The following KAZN variants were observed in gnomAD, a reference collection of about 807,000 sequenced individuals.
KAZN encodes kazrin, periplakin interacting protein.
In KAZN, 40 loss-of-function variants were observed where a neutral mutation model predicts 87.4. The ratio of observed to expected loss-of-function variants is 0.46; its 90% CI spans 0.36 to 0.60. KAZN has a LOEUF of 0.60. Among genes scored for constraint, KAZN ranks in the 20% least tolerant of loss-of-function variants. The pLI is 0.00. For synonymous variants in KAZN, 466 were observed against 458.3 expected, an observed-to-expected ratio of 1.02 and a Z score of -0.22; for missense variants, 898 against 1,073.9, an observed-to-expected ratio of 0.84 and a Z score of 2.29.
chr1:14,170,292 G>A (rs12568548), intron 1 of KAZN, among the ~76,000 whole-genome samples: 30,635 of 151,964 alleles, frequency 0.2, 3,401 homozygotes, highest in East Asian at 0.34. Context: ...TTTTGAATCC[G>A]TGGTTCTAAG....
chr1:13,982,899 A>C (rs1252270064), intron 1 of KAZN, among the ~76,000 whole-genome samples: 1 of 144,386 alleles, frequency 6.9e-6, no homozygotes, highest in African/African-American at 2.6e-5. Flanking sequence ...TAGACATAAA[A>C]GTTCTCCAAG....
intron 2 of KAZN, among the ~76,000 whole-genome samples, chr1:14,466,533 C>T (rs1029303663): frequency 6.6e-6 from 1 of 151,754 alleles, no homozygotes; most frequent in African/African-American, 2.4e-5. Flanking sequence ...AGGAAAAATA[C>T]CTAATATGTG....
At chr1:14,950,112 C>G (rs561562231) in intron 1 of KAZN, among the ~76,000 whole-genome samples, 1 of 152,092 alleles carries the variant, frequency 6.6e-6, no homozygotes, top group Admixed American at 6.5e-5. Flanking sequence ...AATTACCAAG[C>G]GGCTCTCCGG....
intron 2 of KAZN, among the ~76,000 whole-genome samples, chr1:14,468,780 T>C (rs1005641482): frequency 6.6e-6 from 1 of 152,216 alleles, no homozygotes; most frequent in Admixed American, 6.5e-5. Flanking sequence ...GTGTAAGCTG[T>C]ACATTTATAT....
intron 2 of KAZN, among the ~76,000 whole-genome samples, chr1:14,975,951 G>A (rs997985966): frequency 8.1e-5 from 12 of 148,562 alleles, no homozygotes; most frequent in Middle Eastern, 3.2e-3. Flanking sequence ...AGAAAGGCGC[G>A]AACCCGGGAG....
chr1:14,146,536 C>CAAAAAAAAAAAAAAAAAAAAAAAA (rs55928646), intron 1 of KAZN, among the ~76,000 whole-genome samples: 6 of 63,502 alleles, frequency 9.4e-5, no homozygotes, highest in Admixed American at 1.9e-4. Context: ...AACTCCATCT[C>CAAAAAAAAAAAAAAAAAAAAAAAA]AAAAAAAAAA....
chr1:14,467,077 CTTCT>C (rs1386434100), intron 2 of KAZN, among the ~76,000 whole-genome samples: 1 of 151,884 alleles, frequency 6.6e-6, no homozygotes, highest in African/African-American at 2.4e-5. Context: ...TTTGTAATTC[CTTCT>C]ATCTGATTTT....
At chr1:14,859,210 C>CAA (rs1195192834) in intron 1 of KAZN, among the ~76,000 whole-genome samples, 9 of 97,542 alleles carry the variant, frequency 9.2e-5, no homozygotes, top group African/African-American at 2.5e-4. Context: ...GACCCCGTCT[C>CAA]AAAAAAAAAA....
At chr1:14,146,569 A>G (rs537718905) in intron 1 of KAZN, among the ~76,000 whole-genome samples, 169 of 150,950 alleles carry the variant, frequency 1.1e-3, no homozygotes, top group African/African-American at 4.0e-3. Flanking sequence ...AAAAGAAAAG[A>G]AAGAAAGAAA....
chr1:14,799,997 G>A (rs1294641046), intron 1 of KAZN, among the ~76,000 whole-genome samples: 3 of 152,192 alleles, frequency 2.0e-5, no homozygotes, highest in Non-Finnish European at 4.4e-5. Context: ...TTTTGGAGAT[G>A]TTGTCAGACT....
At chr1:14,432,954 G>A (rs1666162690) in intron 2 of KAZN, among the ~76,000 whole-genome samples, 1 of 152,132 alleles carries the variant, frequency 6.6e-6, no homozygotes, top group East Asian at 1.9e-4. Context: ...GTGTGGCTGT[G>A]GCTATGTGTG....
chr1:14,298,295 C>A (rs2100769936), intron 2 of KAZN, among the ~76,000 whole-genome samples: 1 of 152,300 alleles, frequency 6.6e-6, no homozygotes, highest in Non-Finnish European at 1.5e-5. Context: ...CCCTCTAAAT[C>A]ATCCAAAAAT....
At chr1:14,930,252 C>T (rs1292638002) in intron 1 of KAZN, among the ~76,000 whole-genome samples, 2 of 152,138 alleles carry the variant, frequency 1.3e-5, no homozygotes, top group East Asian at 1.9e-4. Flanking sequence ...TTCTTGGATT[C>T]GGAGGCTGGC....
intron 1 of KAZN, among the ~76,000 whole-genome samples, chr1:14,052,662 G>A (rs914607018): frequency 2.0e-5 from 3 of 152,164 alleles, no homozygotes; most frequent in African/African-American, 7.2e-5. Flanking sequence ...GGGGGCAGAG[G>A]CCCATTTGGT....
intron 2 of KAZN, among the ~76,000 whole-genome samples, chr1:14,437,230 C>T (rs1249191906): frequency 6.6e-6 from 1 of 152,118 alleles, no homozygotes; most frequent in Non-Finnish European, 1.5e-5. Context: ...TCAAAGGAAC[C>T]CTGACTCCCA....
chr1:14,387,072 A>G (rs201925233), intron 2 of KAZN, among the ~76,000 whole-genome samples: 4 of 151,938 alleles, frequency 2.6e-5, no homozygotes, highest in African/African-American at 9.7e-5. Context: ...TTCATCTTCC[A>G]TCGCTGATAC....
rs1553176377 is a variant in KAZN, at chr1:14,466,675, A to AG, written c.250-132307dup. On this transcript the variant is annotated intron_variant, in intron 2 of 16. Transcript: ENST00000636203. ...AAACTAAATTTAAAAAAAAAAAAAA[A>AG]GAAGAAGAAACGGCCAGGCGCGGTG... Among the ~76,000 whole-genome samples the AG allele has an allele frequency of 5.3e-3, 450 of 84,644 alleles. 2 individuals are homozygous for AG. The highest frequency in any genetic ancestry group is 0.015 in the African/African-American group (436 of 28,748). 55.5% of individuals were successfully genotyped at this position (84,644 alleles called of 152,430 possible).
chr1:14,817,821 G>A (rs930312719), intron 1 of KAZN, among the ~76,000 whole-genome samples: 8 of 152,072 alleles, frequency 5.3e-5, no homozygotes, highest in African/African-American at 1.9e-4. Flanking sequence ...GTGTATATAG[G>A]AGAATTTAGC....
intron 1 of KAZN, among the ~76,000 whole-genome samples, chr1:13,999,797 A>T (rs1434956548): frequency 6.6e-6 from 1 of 152,028 alleles, no homozygotes; most frequent in Admixed American, 6.6e-5. Context: ...AAAATAAACC[A>T]CTAGCTAGAC....
Sources: gnomAD v4.1 joint callset for allele counts (sites outside exome capture counted in the v4.1 genomes callset) on GRCh38, gnomAD v4.1.1 for gene constraint, MANE v1.5 for transcripts, NCBI Gene and HGNC (gene_info 2026-07-23, HGNC 2026-07-21) for gene names.